Variants in ANKRD44 observed in about 807,000 individuals in gnomAD.
The protein encoded by ANKRD44 is ankyrin repeat domain 44, also known as serine/threonine-protein phosphatase 6 regulatory ankyrin repeat subunit B.
Under a neutral mutation model 116.0 loss-of-function variants are expected in ANKRD44, and 35 were observed. The ratio of observed to expected loss-of-function variants is 0.30; its 90% CI spans 0.23 to 0.40. The LOEUF (loss-of-function observed/expected upper bound fraction) is 0.40. Among genes scored for constraint, ANKRD44 ranks in the 10% least tolerant of loss-of-function variants. The pLI is 1.00. For missense variants in ANKRD44, 1,014 were observed against 1,242.6 expected (o/e 0.82, Z 2.77); for synonymous variants, 435 against 461.8 (o/e 0.94, Z 0.74).
chr2:197,047,155 A>T (rs1031991793), intron 16 of ANKRD44, among the ~76,000 whole-genome samples: 1 of 152,018 alleles, frequency 6.6e-6, no homozygotes, highest in Admixed American at 6.6e-5. Flanking sequence ...AGTAGATGGG[A>T]TTACAAGCAC....
intron 10 of ANKRD44, among the ~76,000 whole-genome samples, chr2:197,090,977 G>A (rs2078030053): frequency 6.6e-6 from 1 of 152,148 alleles, no homozygotes; most frequent in South Asian, 2.1e-4. Context: ...CCTTCAATTT[G>A]TTCATGAGAC....
chr2:197,154,828 C>T (rs1334536265), intron 2 of ANKRD44, among the ~76,000 whole-genome samples: 2 of 152,258 alleles, frequency 1.3e-5, no homozygotes, highest in East Asian at 3.9e-4. Flanking sequence ...AAATCTCTGT[C>T]CCAACATGCT....
At chr2:197,303,777 T>C (rs1049048734) in intron 1 of ANKRD44, among the ~76,000 whole-genome samples, 2 of 152,224 alleles carry the variant, frequency 1.3e-5, no homozygotes, top group African/African-American at 4.8e-5. Flanking sequence ...GCTCACTTTA[T>C]AGAATATAAA....
chr2:197,004,825 G>A, intron 21 of ANKRD44, among the ~76,000 whole-genome samples: 1 of 152,094 alleles, frequency 6.6e-6, no homozygotes, highest in East Asian at 1.9e-4. Context: ...TGCATTGCTT[G>A]TAATAGGAAA....
At chr2:197,081,950 C>G (rs2077807707) in intron 14 of ANKRD44, among the ~76,000 whole-genome samples, 1 of 152,180 alleles carries the variant, frequency 6.6e-6, no homozygotes. Flanking sequence ...AAAACTTCCA[C>G]TTAAGTATCA....
chr2:197,055,572 A>G (rs1180647288), intron 16 of ANKRD44, among the ~76,000 whole-genome samples: 1 of 152,210 alleles, frequency 6.6e-6, no homozygotes, highest in African/African-American at 2.4e-5. Flanking sequence ...TTATTGTTGT[A>G]CCTTTCACGT....
intron 10 of ANKRD44, among the ~76,000 whole-genome samples, chr2:197,099,279 C>A (rs893853758): frequency 1.3e-5 from 2 of 152,082 alleles, no homozygotes; most frequent in Non-Finnish European, 2.9e-5. Context: ...GGGCCCTGAA[C>A]AAAATTATGA....
In ANKRD44 at chr2:197,025,354, G is replaced by C. The variant is rs531103497; in HGVS notation, c.1651-87C>G. 5.2e-6 allele frequency: 5 copies of C among 957,846 alleles called. No homozygotes were observed. In the African/African-American group the frequency reaches 6.4e-5, roughly 12 times the overall value. The allele number at this position is 957,846 out of a possible 1,614,324, so 59.3% of individuals were successfully genotyped here. On this transcript the variant is annotated intron_variant, in intron 16 of 27. Transcript: ENST00000282272. The stretch of plus-strand genomic sequence containing the variant: ...ATGAGAAAAGAGGTTTCAGAAACTT[G>C]AGAAGTTATGCAATTTATCAGTAAT...
At chr2:197,276,186 A>G (rs1418936714) in intron 1 of ANKRD44, among the ~76,000 whole-genome samples, 1 of 151,682 alleles carries the variant, frequency 6.6e-6, no homozygotes, top group Non-Finnish European at 1.5e-5. Context: ...GAAGCAGGAG[A>G]ATCACTTGAA....
intron 1 of ANKRD44, among the ~76,000 whole-genome samples, chr2:197,202,487 A>G (rs941412113): frequency 3.9e-5 from 6 of 152,154 alleles, no homozygotes; most frequent in Non-Finnish European, 5.9e-5. Context: ...AGCTTGATGC[A>G]CACAGCAGGG....
At chr2:197,144,331 A>G (rs2079444603) in intron 3 of ANKRD44, among the ~76,000 whole-genome samples, 1 of 152,236 alleles carries the variant, frequency 6.6e-6, no homozygotes, top group Non-Finnish European at 1.5e-5. Context: ...TATTTGTCCA[A>G]CATGGTAATC....
At chr2:197,113,065 C>A (rs1321701955) in intron 8 of ANKRD44, among the ~76,000 whole-genome samples, 1 of 152,032 alleles carries the variant, frequency 6.6e-6, no homozygotes, top group African/African-American at 2.4e-5. Flanking sequence ...GATCTTTTCT[C>A]CATCTTCTAT....
At chr2:197,184,082 GCA>G (rs1364769199) in intron 2 of ANKRD44, among the ~76,000 whole-genome samples, 1 of 152,150 alleles carries the variant, frequency 6.6e-6, no homozygotes, top group Non-Finnish European at 1.5e-5. Context: ...CTAGCACTGA[GCA>G]CACAGTCTCA....
chr2:197,190,905 T>C (rs1324652723), intron 1 of ANKRD44, among the ~76,000 whole-genome samples: 2 of 152,188 alleles, frequency 1.3e-5, no homozygotes, highest in African/African-American at 4.8e-5. Context: ...ATTTTAGCAC[T>C]AGCATATATA....
rs1559208367 is a variant in ANKRD44 at position 197,273,983 on chromosome 2, ATAT to A, written c.27+36592_27+36594del. 9.1e-3 allele frequency among the ~76,000 whole-genome samples: 255 copies of A among 28,078 alleles called. 16 individuals are homozygous for A. The highest frequency in any genetic ancestry group is 0.01 in the Non-Finnish European group (181 of 17,346). 18.4% of individuals were successfully genotyped at this position (28,078 alleles called of 152,430 possible). On this transcript the variant is annotated intron_variant, in intron 1 of 27. Coordinates refer to ENST00000282272, the MANE Select transcript of ANKRD44 (RefSeq NM_001195144.2). ...CACAAAAAAAAAAAAAAAAAAAAAT[ATAT>A]ATATATATATATATATATATATATA... is the stretch of plus-strand genomic sequence containing the variant.
chr2:197,001,164 A>G (rs1325189917), intron 22 of ANKRD44, among the ~76,000 whole-genome samples: 1 of 152,226 alleles, frequency 6.6e-6, no homozygotes, highest in African/African-American at 2.4e-5. Context: ...AAGGCCAGAG[A>G]CAATGTAAAG....
At position 196,998,241 on chromosome 2, in the gene ANKRD44, G is replaced by A. The variant is rs182899912; in HGVS notation, c.2748+96C>T. 2.9e-3 allele frequency: 2,536 copies of A among 886,940 alleles called. 50 individuals carry two copies. Among genetic ancestry groups the A allele is most frequent in the Non-Finnish European group, 5.4e-4 (308 of 575,312 alleles). 54.9% of individuals were successfully genotyped at this position (886,940 alleles called of 1,614,324 possible). ...CTGGGAAAATGTACATCTTAATTAAGAGCCATGCTACACAGTTCCGAGGTA... is the reference window on the plus strand; with the variant it reads ...CTGGGAAAATGTACATCTTAATTAAAAGCCATGCTACACAGTTCCGAGGTA... On this transcript the variant is annotated intron_variant, in intron 25 of 27. Coordinates refer to ENST00000282272, the MANE Select transcript of ANKRD44 (RefSeq NM_001195144.2).
chr2:197,018,095 C>A (rs573374189), intron 17 of ANKRD44, among the ~76,000 whole-genome samples: 47 of 152,354 alleles, frequency 3.1e-4, no homozygotes, highest in African/African-American at 1.1e-3. Flanking sequence ...CTTCTTCTCA[C>A]CGCATCACCA....
intron 1 of ANKRD44, among the ~76,000 whole-genome samples, chr2:197,214,497 A>G (rs1330399380): frequency 6.6e-6 from 1 of 152,218 alleles, no homozygotes; most frequent in Non-Finnish European, 1.5e-5. Context: ...ATGTACATAC[A>G]TACATAAAGA....
Sources: allele counts gnomAD v4.1 joint callset (sites outside exome capture counted in the v4.1 genomes callset), GRCh38; gene constraint gnomAD v4.1.1; transcripts MANE v1.5; gene names NCBI Gene and HGNC (gene_info 2026-07-23, HGNC 2026-07-21).